Variants in UTRN observed in about 807,000 individuals in gnomAD.
The protein encoded by UTRN is utrophin, also known as dystrophin-related protein 1.
Under a neutral mutation model 463.9 loss-of-function variants are expected in UTRN, and 283 were observed. The ratio of observed to expected loss-of-function variants is 0.61; its 90% CI spans 0.55 to 0.67. The LOEUF (loss-of-function observed/expected upper bound fraction) is 0.67, where lower values mean the gene tolerates loss of function less well. Among genes scored for constraint, UTRN ranks in the 30% least tolerant of loss-of-function variants. The pLI is 0.00. For synonymous variants in UTRN, 1,442 were observed against 1,431.5 expected, an observed-to-expected ratio of 1.01 and a Z score of -0.17; for missense variants, 3,922 against 4,084.3, an observed-to-expected ratio of 0.96 and a Z score of 1.08.
At chr6:144,761,354 T>C (rs1042719853) in intron 58 of UTRN, among the ~76,000 whole-genome samples, 15 of 152,072 alleles carry the variant, frequency 9.9e-5, no homozygotes, top group Admixed American at 8.5e-4. Flanking sequence ...GTATTCAGGG[T>C]TTAAGAACAT....
At chr6:144,521,713 G>T (rs1356667548) in intron 39 of UTRN, among the ~76,000 whole-genome samples, 1 of 152,000 alleles carries the variant, frequency 6.6e-6, no homozygotes, top group African/African-American at 2.4e-5. Context: ...TGCTAACTGA[G>T]TTTAGATGGC....
chr6:144,317,174 C>A (rs1184882552), intron 2 of UTRN, among the ~76,000 whole-genome samples: 1 of 152,110 alleles, frequency 6.6e-6, no homozygotes, highest in African/African-American at 2.4e-5. Flanking sequence ...CCTGAGGACC[C>A]CCAAAACTCA....
At chr6:144,701,584 A>G (rs1586103310) in intron 53 of UTRN, among the ~76,000 whole-genome samples, 1 of 152,002 alleles carries the variant, frequency 6.6e-6, no homozygotes, top group Admixed American at 6.6e-5. Flanking sequence ...CTTTATGCCC[A>G]TTTTCTTGTA....
At chr6:144,554,647 A>G in intron 48 of UTRN, 41 bp from the exon 49 acceptor site, 3 of 1,599,388 alleles carry the variant, frequency 1.9e-6, no homozygotes, top group Non-Finnish European at 2.6e-6. Flanking sequence ...CCTGAGGGTT[A>G]CATGTTGGGA....
At chr6:144,371,480 C>T (rs977482100) in intron 2 of UTRN, among the ~76,000 whole-genome samples, 4 of 152,170 alleles carry the variant, frequency 2.6e-5, no homozygotes, top group Admixed American at 6.5e-5. Context: ...GGCGCAATCT[C>T]GGCTCACCGC....
At chr6:144,752,011 A>C in intron 56 of UTRN, 59 bp downstream of exon 56, 2 of 1,470,614 alleles carry the variant, frequency 1.4e-6, no homozygotes, top group Non-Finnish European at 1.8e-6. Context: ...TTTAAACCCT[A>C]CCTCACTATA....
intron 65 of UTRN, among the ~76,000 whole-genome samples, chr6:144,817,400 A>G (rs909580665): frequency 2.6e-5 from 4 of 152,182 alleles, no homozygotes; most frequent in African/African-American, 4.8e-5. Context: ...TCTTTCTATC[A>G]TAATATCAAA....
At chr6:144,303,360 C>T (rs1170887516) in intron 2 of UTRN, among the ~76,000 whole-genome samples, 3 of 152,158 alleles carry the variant, frequency 2.0e-5, no homozygotes, top group Admixed American at 6.5e-5. Context: ...TCTATAAAGC[C>T]GCAATGTAAA....
intron 50 of UTRN, among the ~76,000 whole-genome samples, chr6:144,565,302 C>T (rs1166776670): frequency 1.3e-5 from 2 of 152,068 alleles, no homozygotes; most frequent in Non-Finnish European, 1.5e-5. Flanking sequence ...TTTGAGATGC[C>T]TGTTAGATAT....
chr6:144,415,453 T>C (rs1784283968), intron 3 of UTRN, among the ~76,000 whole-genome samples: 1 of 152,254 alleles, frequency 6.6e-6, no homozygotes, highest in Non-Finnish European at 1.5e-5. Context: ...AATTTCACTC[T>C]TTTAAGAAAT....
intron 39 of UTRN, among the ~76,000 whole-genome samples, chr6:144,521,431 C>T (rs1796082787): frequency 6.6e-6 from 1 of 152,104 alleles, no homozygotes; most frequent in Non-Finnish European, 1.5e-5. Context: ...GTAGGATATT[C>T]CTGCTCTATA....
At chr6:144,442,768 A>G (rs1787303342) in intron 13 of UTRN, among the ~76,000 whole-genome samples, 1 of 152,194 alleles carries the variant, frequency 6.6e-6, no homozygotes, top group Admixed American at 6.5e-5. Flanking sequence ...GAACTGTGGT[A>G]GTTATAATGC....
At chr6:144,671,637 G>A (rs1347685084) in intron 51 of UTRN, among the ~76,000 whole-genome samples, 1 of 151,872 alleles carries the variant, frequency 6.6e-6, no homozygotes, top group Non-Finnish European at 1.5e-5. Flanking sequence ...TACAGATTTG[G>A]ATGTCCTTTA....
chr6:144,663,322 A>G (rs1401883116), intron 51 of UTRN, among the ~76,000 whole-genome samples: 1 of 152,070 alleles, frequency 6.6e-6, no homozygotes, highest in East Asian at 1.9e-4. Flanking sequence ...CTATGGGAAG[A>G]GTTCACATTC....
At chr6:144,796,810 C>T (rs906457987) in intron 63 of UTRN, among the ~76,000 whole-genome samples, 1 of 152,182 alleles carries the variant, frequency 6.6e-6, no homozygotes, top group African/African-American at 2.4e-5. Flanking sequence ...TGGGTTATTA[C>T]ATTTTATAAT....
intron 51 of UTRN, among the ~76,000 whole-genome samples, chr6:144,663,214 G>A (rs943558964): frequency 1.3e-5 from 2 of 152,074 alleles, no homozygotes; most frequent in Non-Finnish European, 1.5e-5. Flanking sequence ...ACCAGGGGAG[G>A]ATGACCCCAT....
At chr6:144,313,974 T>G (rs1000959091) in intron 2 of UTRN, among the ~76,000 whole-genome samples, 1 of 152,232 alleles carries the variant, frequency 6.6e-6, no homozygotes, top group African/African-American at 2.4e-5. Flanking sequence ...TGTTATGTCT[T>G]TAATACACTA....
chr6:144,509,971 T>A (rs1423994438), intron 34 of UTRN, among the ~76,000 whole-genome samples: 2 of 152,126 alleles, frequency 1.3e-5, no homozygotes, highest in Non-Finnish European at 2.9e-5. Flanking sequence ...TTCTCCCCCC[T>A]TGCTAGAGAA....
At chr6:144,712,127 T>C (rs980789591) in intron 53 of UTRN, among the ~76,000 whole-genome samples, 1 of 152,296 alleles carries the variant, frequency 6.6e-6, no homozygotes, top group Non-Finnish European at 1.5e-5. Context: ...TTAAAAAAAA[T>C]TATTTTCCAA....
Sources: gnomAD v4.1 joint callset for allele counts (sites outside exome capture counted in the v4.1 genomes callset) on GRCh38, gnomAD v4.1.1 for gene constraint, MANE v1.5 for transcripts, NCBI Gene and HGNC (gene_info 2026-07-23, HGNC 2026-07-21) for gene names.